Variants in CPXM1 observed in about 807,000 individuals in gnomAD.
CPXM1 encodes carboxypeptidase X, M14 family member 1, also known as probable carboxypeptidase X1.
In CPXM1, 72 loss-of-function variants were observed where a neutral mutation model predicts 80.4. The observed-to-expected ratio is 0.90, with a 90% CI of 0.74 to 1.09. The LOEUF (loss-of-function observed/expected upper bound fraction) is 1.09, where lower values mean the gene tolerates loss of function less well. Ranked by LOEUF, CPXM1 falls within the 50% of genes least tolerant of loss-of-function variation. The pLI, the probability that CPXM1 is intolerant of heterozygous loss-of-function variation, is 0.00. For synonymous variants in CPXM1, 403 were observed against 405.6 expected (o/e 0.99, Z 0.08); for missense variants, 892 against 999.4 (o/e 0.89, Z 1.45).
At position 2,796,166 on chromosome 20, in the gene CPXM1, C is replaced by T. The variant is rs756226790; in HGVS notation, c.1243-5G>A. The stretch of plus-strand genomic sequence containing the variant: ...CCAGCCCACCAGCTCTGAACCCTGC[C>T]GGGCAAGAGGCTTGTTCAAGTCGAG... On this transcript the variant is annotated splice_region_variant and splice_polypyrimidine_tract_variant and intron_variant, in intron 9 of 13. Transcript: ENST00000380605. The surrounding 1 kb of genome is among the most constrained non-coding windows in gnomAD (Gnocchi z 6.8). 22 of 1,608,662 alleles carry T rather than the reference C, an allele frequency of 1.4e-5. No homozygotes were observed. In the Middle Eastern group the frequency reaches 6.6e-4, roughly 48 times the overall value.
At position 2,795,633 on chromosome 20, in the gene CPXM1, G is replaced by A. The variant is rs201609174; in HGVS notation, c.1686C>T (p.Ile562=). Residue 562 remains isoleucine, a synonymous_variant, in exon 11 of 14, where the codon ATC becomes ATT. Coordinates refer to ENST00000380605, the MANE Select transcript of CPXM1 (RefSeq NM_019609.5). This position sits in a 1 kb window ranked among gnomAD's most constrained non-coding sequence, Gnocchi z 5.4. ...HSQDFSVHGN[I]INGADWHTVP... ...CCGTGTGCCAGTCAGCCCCGTTGAT[G>A]ATGTTGCCGTGCACGGAGAAGTCCT... 8 of 1,613,936 alleles carry A rather than the reference G, an allele frequency of 5.0e-6. No individual in the cohort carries two copies. The African/African-American group carries it at 1.1e-4, about 22-fold the overall frequency.
rs751647211 is a variant in CPXM1 at position 2,796,068 on chromosome 20, C to T, written c.1336G>A (p.Glu446Lys). Residue 446 changes from glutamate (E) to lysine (K), a missense_variant, in exon 10 of 14, where the codon GAA (glutamate) becomes AAA (lysine). By Grantham distance (56) the Glu-to-Lys change is moderately conservative. This residue lies in a region of CPXM1 where 874 missense variants were observed against 958.4 expected (regional missense o/e 0.91). Transcript: ENST00000380605. This position sits in a 1 kb window ranked among gnomAD's most constrained non-coding sequence, Gnocchi z 6.8. ...NFADLNTPLW[E>K]AQDDGKVPHI... ...GGCACCTTCCCATCGTCCTGTGCTT[C>T]CCACAGTGGTGTGTTGAGGTCAGCA... 6.2e-7 allele frequency: 1 copy of T among 1,614,052 alleles called. No homozygotes were observed. Among genetic ancestry groups the T allele is most frequent in the East Asian group, 2.2e-5 (1 of 44,874 alleles).
rs773288274 is a variant in CPXM1, at chr20:2,796,530, G to A, written c.1042C>T (p.Leu348=). The A allele has an allele frequency of 3.1e-6, 5 of 1,614,140 alleles. No individual in the cohort carries two copies. In the South Asian group the frequency reaches 5.5e-5, roughly 18 times the overall value. Residue 348 remains leucine (L), a synonymous_variant, in exon 8 of 14, where the codon CTG becomes TTG. Coordinates refer to ENST00000380605, the MANE Select transcript of CPXM1 (RefSeq NM_019609.5). The surrounding 1 kb of genome is among the most constrained non-coding windows in gnomAD (Gnocchi z 6.8). ...EMSDKPGEHE[L]GEPEVRYVAG... ...TCCCCACTCCCCATGCCAGTACCCA[G>A]CTCATGCTCCCCAGGCTTGTCCGAC...
rs537834996 is a variant in CPXM1, at chr20:2,795,055, A to G, written c.1860+222T>C. ...GCCACGGACCACCACCTAGACTGCA[A>G]TGGAGGCTCCTCCCACCGGCTCTAA... On this transcript the variant is annotated intron_variant, in intron 12 of 13. Transcript: ENST00000380605. The surrounding 1 kb of genome is among the most constrained non-coding windows in gnomAD (Gnocchi z 5.4). Among the ~76,000 whole-genome samples the G allele has an allele frequency of 2.0e-5, 3 of 152,232 alleles. No individual in the cohort carries two copies. The highest frequency in any genetic ancestry group is 1.3e-4 in the Admixed American group (2 of 15,278).
At position 2,798,098 on chromosome 20, in the gene CPXM1, G is replaced by A. The variant is rs370042924; in HGVS notation, c.591-40C>T. 8.8e-4 allele frequency: 1,422 copies of A among 1,613,760 alleles called. 26 individuals carry two copies. In the South Asian group the frequency reaches 0.015, roughly 17 times the overall value. ...GGAGAGAGATCATCGGTGCCCCCAG[G>A]ACTCCCACCCCAGTCCTTCTGTGAC... On this transcript the variant is annotated intron_variant, in intron 4 of 13. Transcript: ENST00000380605.
At position 2,798,877 on chromosome 20, in the gene CPXM1, A is replaced by T. The variant is rs2088538858; in HGVS notation, c.189T>A (p.His63Gln). 3.7e-6 allele frequency: 6 copies of T among 1,613,956 alleles called. No homozygotes were observed. Among genetic ancestry groups the T allele is most frequent in the Non-Finnish European group, 3.4e-6 (4 of 1,179,952 alleles). ...TCTTCTTGATGACTCGAATCCGGAC[A>T]TGCTGTTCTGAGGTCCCTTGGGGTC... ...AETANGTSEQ[H>Q]VRIRVIKKKK... Residue 63 changes from histidine (H) to glutamine (Q), a missense_variant, in exon 2 of 14, where the codon CAT becomes CAA. Physicochemically the swap from His to Gln is conservative, Grantham distance 24. This residue lies in a region of CPXM1 where 874 missense variants were observed against 958.4 expected (regional missense o/e 0.91). Coordinates refer to ENST00000380605, the MANE Select transcript of CPXM1 (RefSeq NM_019609.5).
At position 2,798,479 on chromosome 20, in the gene CPXM1, G is replaced by A. The variant is rs146514075; in HGVS notation, c.399C>T (p.Ser133=). The A allele has an allele frequency of 3.1e-6, 5 of 1,614,050 alleles. No homozygotes were observed. In the African/African-American group the frequency reaches 4.0e-5, roughly 13 times the overall value. The change falls in exon 3 of 14, where the codon TCC becomes TCT. Residue 133 remains serine (S), a synonymous_variant. Transcript: ENST00000380605. ...GTCCAAGACCAAAGGACTGGCTGCT[G>A]GATGCCTCAAGCCGGCTATCTGAAA... ...LRVSDSRLEA[S]SSQSFGLGPH... is the part of the protein sequence containing the mutation.
Position 2,794,392 on chromosome 20 carries a change from T to A in CPXM1, c.2003A>T (p.Asp668Val). ...CTCGGCACTGGCAGTCACCATGTAG[T>A]CCCCTGGGGTCAGCAGACGCCAATA... ...GDYWRLLTPG[D>V]YMVTASAEGY... The change falls in exon 14 of 14, where the codon GAC becomes GTC. Residue 668 changes from aspartate to valine, a missense_variant. Asp to Val is a radical substitution (Grantham distance 152). Around this residue, in one of 2 missense-constraint regions of CPXM1, gnomAD observed 874 missense variants for 958.4 expected, o/e 0.91. Transcript: ENST00000380605. The surrounding 1 kb of genome is among the most constrained non-coding windows in gnomAD (Gnocchi z 5.2). 1 of 1,613,974 alleles carries A rather than the reference T, an allele frequency of 6.2e-7. No homozygotes were observed.
rs898882017 is a variant in CPXM1 at position 2,799,024 on chromosome 20, G to T, written c.173-131C>A. 1.0e-5 allele frequency: 9 copies of T among 882,738 alleles called. No individual in the cohort carries two copies. The African/African-American group carries it at 1.3e-4, about 13-fold the overall frequency. The allele number at this position is 882,738 out of a possible 1,614,324, so 54.7% of individuals were successfully genotyped here. On this transcript the variant is annotated intron_variant, in intron 1 of 13. Coordinates refer to ENST00000380605, the MANE Select transcript of CPXM1 (RefSeq NM_019609.5). ...CACCAGGATCTAACAGCCTTCACAG[G>T]ACATCAAAGGCCTGCAATCTGACCC...
At chr20:2,799,850 A>G (rs1401212585) in intron 1 of CPXM1, among the ~76,000 whole-genome samples, 2 of 152,130 alleles carry the variant, frequency 1.3e-5, no homozygotes, top group African/African-American at 4.8e-5. Context: ...CCTCGCCTTC[A>G]AACTCTCTCC....
chr20:2,798,768 TGG>T lies in CPXM1; in HGVS notation c.296_297del (p.Pro99HisfsTer10). The T allele has an allele frequency of 6.2e-7, 1 of 1,613,494 alleles. No homozygotes were observed. The highest frequency in any genetic ancestry group is 8.5e-7 in the Non-Finnish European group (1 of 1,179,880). On this transcript the variant is annotated frameshift_variant, in exon 2 of 14. Coordinates refer to ENST00000380605, the MANE Select transcript of CPXM1 (RefSeq NM_019609.5). LOFTEE classifies it high-confidence loss of function. The stretch of plus-strand genomic sequence containing the variant: ...GCGGGGTCGAGGGTCCCTGCTGGAG[TGG>T]GGGTCACAAGGGGCCCGGCAGTCAC... ...PLVTAGPLVT[P>X]TPAGTLDPAE... is the part of the protein sequence containing the mutation.
rs767622401 is a variant in CPXM1 at position 2,798,038 on chromosome 20, T to C, written c.611A>G (p.Tyr204Cys). The change falls in exon 5 of 14, where the codon TAC (tyrosine) becomes TGC (cysteine). Residue 204 changes from tyrosine to cysteine, a missense_variant. This residue lies in a region of CPXM1 where 874 missense variants were observed against 958.4 expected (regional missense o/e 0.91). Coordinates refer to ENST00000380605, the MANE Select transcript of CPXM1 (RefSeq NM_019609.5). ...ACTGTCATTGCTGAACTGGACCTTG[T>C]ATGATGTGACCCAGTCATACCTGGC... ...SVWRYDWVTS[Y>C]KVQFSNDSRT... 4.3e-6 allele frequency: 7 copies of C among 1,614,058 alleles called. No homozygotes were observed. The highest frequency in any genetic ancestry group is 1.7e-6 in the Non-Finnish European group (2 of 1,180,026).
chr20:2,796,162 C>T lies in CPXM1; in HGVS notation c.1243-1G>A, dbSNP rs750533800. The T allele has an allele frequency of 6.2e-7, 1 of 1,609,472 alleles. No homozygotes were observed. Among genetic ancestry groups the T allele is most frequent in the South Asian group, 1.1e-5 (1 of 90,178 alleles). Reference sequence around the variant, plus strand: ...CGGCCCAGCCCACCAGCTCTGAACCCTGCCGGGCAAGAGGCTTGTTCAAGT... The same window carrying T: ...CGGCCCAGCCCACCAGCTCTGAACCTTGCCGGGCAAGAGGCTTGTTCAAGT... On this transcript the variant is annotated splice_acceptor_variant, in intron 9 of 13. Coordinates refer to ENST00000380605, the MANE Select transcript of CPXM1 (RefSeq NM_019609.5). LOFTEE classifies it high-confidence loss of function. The surrounding 1 kb of genome is among the most constrained non-coding windows in gnomAD (Gnocchi z 6.8).
Position 2,794,384 on chromosome 20 carries a change from C to T in CPXM1, c.2011G>A (p.Val671Met), listed in dbSNP as rs773232286. 1 of 1,614,162 alleles carries T rather than the reference C, an allele frequency of 6.2e-7. No individual in the cohort carries two copies. The highest frequency in any genetic ancestry group is 8.5e-7 in the Non-Finnish European group (1 of 1,180,020). ...WRLLTPGDYM[V>M]TASAEGYHSV... ...TGGTAGCCCTCGGCACTGGCAGTCA[C>T]CATGTAGTCCCCTGGGGTCAGCAGA... Residue 671 changes from valine to methionine, a missense_variant, in exon 14 of 14, where the codon GTG becomes ATG. By Grantham distance (21) the Val-to-Met change is conservative. Coordinates refer to ENST00000380605, the MANE Select transcript of CPXM1 (RefSeq NM_019609.5). This position sits in a 1 kb window ranked among gnomAD's most constrained non-coding sequence, Gnocchi z 5.2.
Position 2,794,718 on chromosome 20 carries a change from C to T in CPXM1, c.1861-79G>A, listed in dbSNP as rs2088487208. The T allele has an allele frequency of 1.8e-6, 2 of 1,137,366 alleles. No homozygotes were observed. The highest frequency in any genetic ancestry group is 1.3e-5 in the South Asian group (1 of 79,158). 70.5% of individuals were successfully genotyped at this position (1,137,366 alleles called of 1,614,324 possible). ...TTTAGCTAACTTGCTGGCTCTGTTG[C>T]CCTGCAAACCTGAGCAAAGTGGTAG... On this transcript the variant is annotated intron_variant, in intron 12 of 13. Coordinates refer to ENST00000380605, the MANE Select transcript of CPXM1 (RefSeq NM_019609.5). The surrounding 1 kb of genome is among the most constrained non-coding windows in gnomAD (Gnocchi z 5.2).
rs760210168 is a variant in CPXM1 at position 2,794,636 on chromosome 20, G to C, written c.1864C>G (p.Arg622Gly). 2 of 1,608,162 alleles carry C rather than the reference G, an allele frequency of 1.2e-6. No homozygotes were observed. The highest frequency in any genetic ancestry group is 2.2e-5 in the East Asian group (1 of 44,842). The stretch of plus-strand genomic sequence containing the variant: ...CTCACCACTCCTGCAATGCCCATGC[G>C]CACCTGTGTGGGAAGAGGTTATCAG... ...DALLTYLEQVRMGIAGVVRDK... is the reference protein window; with the variant it reads ...DALLTYLEQVGMGIAGVVRDK... The change falls in exon 13 of 14, where the codon CGC becomes GGC. Residue 622 changes from arginine to glycine, a missense_variant. Coordinates refer to ENST00000380605, the MANE Select transcript of CPXM1 (RefSeq NM_019609.5). This position sits in a 1 kb window ranked among gnomAD's most constrained non-coding sequence, Gnocchi z 5.2.
Position 2,795,719 on chromosome 20 carries a change from T to C in CPXM1, c.1600A>G (p.Thr534Ala). The change falls in exon 11 of 14, where the codon ACT becomes GCT. Residue 534 changes from threonine to alanine, a missense_variant. Around this residue, in one of 2 missense-constraint regions of CPXM1, gnomAD observed 874 missense variants for 958.4 expected, o/e 0.91. Transcript: ENST00000380605. This position sits in a 1 kb window ranked among gnomAD's most constrained non-coding sequence, Gnocchi z 5.4. ...PDDAVFRWLS[T>A]VYAGSNLAMQ... ...GCCAGATTACTGCCAGCATAGACAGTGCTGAGCCAGCGAAACACAGCATCA... is the reference window on the plus strand; with the variant it reads ...GCCAGATTACTGCCAGCATAGACAGCGCTGAGCCAGCGAAACACAGCATCA... The C allele has an allele frequency of 1.2e-6, 2 of 1,613,948 alleles. No homozygotes were observed. The highest frequency in any genetic ancestry group is 8.5e-7 in the Non-Finnish European group (1 of 1,180,040).
In CPXM1 at chr20:2,796,430, C is replaced by T. The variant is rs1600266569; in HGVS notation, c.1059G>A (p.Val353=). 1.2e-6 allele frequency: 2 copies of T among 1,613,904 alleles called. No homozygotes were observed. The highest frequency in any genetic ancestry group is 1.3e-5 in the African/African-American group (1 of 74,936). ...TCCCATGCATGCCAGCCACGTAGCG[C>T]ACCTCAGGCTCCCCTGGGGACACAT... is the stretch of plus-strand genomic sequence containing the variant. The part of the protein sequence containing the change: ...PGEHELGEPE[V]RYVAGMHGNE... Residue 353 remains valine, a synonymous_variant, in exon 9 of 14, where the codon GTG becomes GTA. Transcript: ENST00000380605. The surrounding 1 kb of genome is among the most constrained non-coding windows in gnomAD (Gnocchi z 6.8).
intron 1 of CPXM1, among the ~76,000 whole-genome samples, chr20:2,799,731 A>G (rs1283464215): frequency 3.3e-5 from 5 of 151,838 alleles, no homozygotes; most frequent in Admixed American, 3.3e-4. Flanking sequence ...CCTATTCCAC[A>G]TCTGGAAAGC....
Sources: gnomAD v4.1 joint callset for allele counts (sites outside exome capture counted in the v4.1 genomes callset) on GRCh38, gnomAD v4.1.1 for gene constraint, gnomAD v4.1.1 regional missense constraint, Gnocchi (gnomAD v3.1) non-coding constraint, MANE v1.5 for transcripts, NCBI Gene and HGNC (gene_info 2026-07-23, HGNC 2026-07-21) for gene names.